The following BCAR3 variants were observed in gnomAD, a reference collection of about 807,000 sequenced individuals.
BCAR3 encodes breast cancer anti-estrogen resistance protein 3.
Under a neutral mutation model 80.1 loss-of-function variants are expected in BCAR3, and 37 were observed. The observed-to-expected ratio is 0.46, with a 90% CI of 0.36 to 0.61. The LOEUF (loss-of-function observed/expected upper bound fraction) is 0.61, where lower values mean the gene tolerates loss of function less well. Among genes scored for constraint, BCAR3 ranks in the 20% least tolerant of loss-of-function variants. The probability of loss-of-function intolerance (pLI) is 0.00; values close to 1 mark genes in which losing one functional copy is unlikely to be tolerated. For synonymous variants in BCAR3, 389 were observed against 418.9 expected (o/e 0.93, Z 0.87); for missense variants, 978 against 1,068.2 (o/e 0.92, Z 1.18).
chr1:93,678,860 C>T (rs74101661), intron 1 of BCAR3, among the ~76,000 whole-genome samples: 2,387 of 152,232 alleles, frequency 0.016, 64 homozygotes, highest in African/African-American at 0.053. Flanking sequence ...AAGGTCTTGC[C>T]ATAGGAACAA....
chr1:93,645,075 A>T (rs1676112731), intron 2 of BCAR3, among the ~76,000 whole-genome samples: 1 of 152,158 alleles, frequency 6.6e-6, no homozygotes, highest in East Asian at 1.9e-4. Flanking sequence ...GAGAAAGGGC[A>T]TTTGCTCCTC....
At chr1:93,568,024 TCAAATAC>T in intron 9 of BCAR3, 173 bp from the exon 10 acceptor site, 1 of 513,086 alleles carries the variant, frequency 1.9e-6, no homozygotes, top group South Asian at 2.1e-5. Context: ...CTGTCTCTAC[TCAAATAC>T]AAAAATTAGC....
intron 1 of BCAR3, among the ~76,000 whole-genome samples, chr1:93,677,242 CAT>C (rs1403597720): frequency 5.9e-5 from 9 of 152,202 alleles, no homozygotes; most frequent in Non-Finnish European, 7.3e-5. Context: ...GAAAAGTTAA[CAT>C]GTGGGGAAAA....
rs1676011337 is a variant in BCAR3, at chr1:93,642,411, T to C, written c.318-68A>G. On this transcript the variant is annotated intron_variant, in intron 2 of 11. Transcript: ENST00000260502. ...GCATTCTTACATTGAGTATAATGTG[T>C]CCAACATTATTTCACCCTATTCACT... is the stretch of plus-strand genomic sequence containing the variant. The C allele has an allele frequency of 2.8e-6, 4 of 1,413,854 alleles. No individual in the cohort carries two copies. The East Asian group carries it at 6.8e-5, about 24-fold the overall frequency. 87.6% of individuals were successfully genotyped at this position (1,413,854 alleles called of 1,614,324 possible).
intron 2 of BCAR3, among the ~76,000 whole-genome samples, chr1:93,661,709 G>A (rs1287882860): frequency 2.0e-5 from 3 of 152,062 alleles, no homozygotes; most frequent in African/African-American, 4.8e-5. Context: ...GGCTGGTCTC[G>A]AACTCCTGAC....
chr1:93,844,818 C>T (rs1249500952), intron 2 of BCAR3, among the ~76,000 whole-genome samples: 1 of 151,784 alleles, frequency 6.6e-6, no homozygotes, highest in East Asian at 1.9e-4. Flanking sequence ...AAGTGATCCT[C>T]CCGCCTCAGC....
Position 93,687,770 on chromosome 1 carries a change from C to T in BCAR3, c.-11-12829G>A, listed in dbSNP as rs190574656. ...ACAAAGTAATTGGTTGAGTCCCATC[C>T]CGTAACAGCACTAATTAACAGGCAG... On this transcript the variant is annotated intron_variant, in intron 3 of 13. Transcript: ENST00000370244. Among the ~76,000 whole-genome samples, 47 of 152,298 alleles carry T rather than the reference C, an allele frequency of 3.1e-4. No homozygotes were observed. The East Asian group carries it at 8.1e-3, about 26-fold the overall frequency.
At chr1:93,844,312 A>T (rs540711146) in intron 2 of BCAR3, among the ~76,000 whole-genome samples, 4 of 152,210 alleles carry the variant, frequency 2.6e-5, no homozygotes, top group Middle Eastern at 3.4e-3. Context: ...GTCTCAAAAT[A>T]AAAATAAAAA....
At chr1:93,833,563 G>A (rs1315192960) in intron 2 of BCAR3, among the ~76,000 whole-genome samples, 1 of 152,130 alleles carries the variant, frequency 6.6e-6, no homozygotes, top group Non-Finnish European at 1.5e-5. Flanking sequence ...CATTTTAGAA[G>A]CCTCCCCTGG....
chr1:93,627,242 A>G (rs1474529211), intron 3 of BCAR3, among the ~76,000 whole-genome samples: 2 of 152,224 alleles, frequency 1.3e-5, no homozygotes, highest in Non-Finnish European at 2.9e-5. Context: ...CAAATGGCCA[A>G]TGCATGATGA....
intron 5 of BCAR3, among the ~76,000 whole-genome samples, chr1:93,587,733 T>C (rs1399233160): frequency 6.7e-6 from 1 of 148,384 alleles, no homozygotes; most frequent in Non-Finnish European, 1.5e-5. Context: ...GAATAAAATA[T>C]GTTGGTTTAC....
chr1:93,786,192 C>CAAAAAAAAAAAA (rs61644309), intron 2 of BCAR3, among the ~76,000 whole-genome samples: 649 of 23,238 alleles, frequency 0.028, 118 homozygotes, highest in Middle Eastern at 0.067. Context: ...GACTCCGTCT[C>CAAAAAAAAAAAA]AAAAAAAAAA....
chr1:93,842,666 T>G (rs961983571), intron 2 of BCAR3, among the ~76,000 whole-genome samples: 1 of 152,172 alleles, frequency 6.6e-6, no homozygotes, highest in African/African-American at 2.4e-5. Context: ...ACACAGCTTT[T>G]CTCATGCCAA....
intron 2 of BCAR3, among the ~76,000 whole-genome samples, chr1:93,799,006 G>A (rs1653383126): frequency 6.6e-6 from 1 of 152,176 alleles, no homozygotes; most frequent in Non-Finnish European, 1.5e-5. Context: ...AAGCCAATCA[G>A]TTGACAGAAA....
intron 2 of BCAR3, among the ~76,000 whole-genome samples, chr1:93,826,102 T>C (rs77248533): frequency 0.027 from 4,039 of 152,214 alleles, 76 homozygotes; most frequent in Non-Finnish European, 0.036. Flanking sequence ...GGAAGAATTC[T>C]GTTCTTTAGA....
intron 2 of BCAR3, among the ~76,000 whole-genome samples, chr1:93,790,651 A>ATGT (rs10627954): frequency 3.1e-4 from 26 of 83,508 alleles, no homozygotes; most frequent in African/African-American, 5.8e-4. Context: ...TTTTTTCTTA[A>ATGT]TTTTTTTTTT....
At chr1:93,613,171 A>G (rs1675005821) in intron 3 of BCAR3, among the ~76,000 whole-genome samples, 1 of 152,220 alleles carries the variant, frequency 6.6e-6, no homozygotes, top group South Asian at 2.1e-4. Context: ...ACAAACCCCA[A>G]GATCCACGAA....
rs564353509 is a variant in BCAR3, at chr1:93,612,667, T to C, written c.358-20274A>G. 5.3e-5 allele frequency among the ~76,000 whole-genome samples: 8 copies of C among 152,292 alleles called. No homozygotes were observed. The East Asian group carries it at 1.5e-3, about 29-fold the overall frequency. On this transcript the variant is annotated intron_variant, in intron 3 of 11. Transcript: ENST00000260502. Reference sequence around the variant, plus strand: ...CTATCTTGGAAGCTTTAAAATACTGTTAATGGCATGACTTCATCTGCCCCA... The same window carrying C: ...CTATCTTGGAAGCTTTAAAATACTGCTAATGGCATGACTTCATCTGCCCCA...
intron 3 of BCAR3, among the ~76,000 whole-genome samples, chr1:93,696,995 C>T (rs1225484837): frequency 2.0e-5 from 3 of 152,182 alleles, no homozygotes; most frequent in Non-Finnish European, 2.9e-5. Flanking sequence ...TGGGAGCTGG[C>T]GTCTCCGTGC....
Sources: allele counts gnomAD v4.1 joint callset (sites outside exome capture counted in the v4.1 genomes callset), GRCh38; gene constraint gnomAD v4.1.1; transcripts MANE v1.5; gene names NCBI Gene and HGNC (gene_info 2026-07-23, HGNC 2026-07-21).